Variants in ABI3BP observed in about 807,000 individuals in gnomAD.
The protein encoded by ABI3BP is target of Nesh-SH3.
ABI3BP carries 216 observed loss-of-function variants against 268.6 expected under a neutral mutation model. The ratio of observed to expected loss-of-function variants is 0.80; its 90% CI spans 0.72 to 0.90. The LOEUF is 0.90. Among genes scored for constraint, ABI3BP ranks in the 40% least tolerant of loss-of-function variants. The pLI, the probability that ABI3BP is intolerant of heterozygous loss-of-function variation, is 0.00. For missense variants in ABI3BP, 2,090 were observed against 2,182.4 expected (o/e 0.96, Z 0.84); for synonymous variants, 730 against 730.0 (o/e 1.00, Z 0.00).
At chr3:100,798,441 T>C (rs1339711198) in intron 51 of ABI3BP, among the ~76,000 whole-genome samples, 2 of 152,108 alleles carry the variant, frequency 1.3e-5, no homozygotes, top group African/African-American at 2.4e-5. Flanking sequence ...GTATGTTAAA[T>C]TGAACAAGAG....
At chr3:100,913,800 C>A (rs1274942149) in intron 2 of ABI3BP, among the ~76,000 whole-genome samples, 1 of 152,148 alleles carries the variant, frequency 6.6e-6, no homozygotes, top group East Asian at 1.9e-4. Context: ...AGTCCTCCAC[C>A]TTTTAGAGTA....
chr3:100,904,796 C>A (rs1465533965), intron 2 of ABI3BP, among the ~76,000 whole-genome samples: 3 of 152,150 alleles, frequency 2.0e-5, no homozygotes, highest in Non-Finnish European at 4.4e-5. Context: ...AATAGGAACA[C>A]TTTTACACTG....
chr3:100,913,348 A>G (rs559711805), intron 2 of ABI3BP, among the ~76,000 whole-genome samples: 21 of 152,334 alleles, frequency 1.4e-4, no homozygotes, highest in Admixed American at 6.5e-4. Flanking sequence ...TAACGACTAC[A>G]GAAAACCTGC....
At chr3:100,837,256 GAC>G (rs2098608059) in intron 26 of ABI3BP, 85 bp from the exon 27 acceptor site, 10 of 1,051,806 alleles carry the variant, frequency 9.5e-6, no homozygotes, top group East Asian at 2.7e-5. Flanking sequence ...TAATTCAGAG[GAC>G]ACAGAGTCTA....
chr3:100,943,635 C>T (rs187689161), intron 1 of ABI3BP, among the ~76,000 whole-genome samples: 11 of 152,092 alleles, frequency 7.2e-5, no homozygotes, highest in East Asian at 1.9e-4. Context: ...CTAGACTCTT[C>T]GATTAAATAA....
At chr3:100,859,247 G>T (rs2098970565) in intron 14 of ABI3BP, among the ~76,000 whole-genome samples, 1 of 152,168 alleles carries the variant, frequency 6.6e-6, no homozygotes, top group African/African-American at 2.4e-5. Context: ...TACCCCAACA[G>T]AGAAAACAGA....
At position 100,908,934 on chromosome 3, in the gene ABI3BP, G is replaced by A. The variant is rs537349920; in HGVS notation, c.260-6248C>T. On this transcript the variant is annotated intron_variant, in intron 2 of 67. Coordinates refer to ENST00000471714, the MANE Select transcript of ABI3BP (RefSeq NM_001375547.2). ...TTCAATTTCATATGGAATCAAAAAA[G>A]AGCCTGCATAGCCAAGACAATCCTA... 3.7e-4 allele frequency among the ~76,000 whole-genome samples: 56 copies of A among 152,260 alleles called. 1 individual carries two copies. In the South Asian group the frequency reaches 0.011, roughly 29 times the overall value.
At chr3:100,894,106 A>G (rs1331223401) in intron 4 of ABI3BP, among the ~76,000 whole-genome samples, 1 of 152,136 alleles carries the variant, frequency 6.6e-6, no homozygotes, top group Non-Finnish European at 1.5e-5. Context: ...CATTAGTGTG[A>G]AATGGACAAG....
At chr3:100,949,736 G>C (rs781740348) in intron 1 of ABI3BP, among the ~76,000 whole-genome samples, 1 of 152,164 alleles carries the variant, frequency 6.6e-6, no homozygotes, top group Non-Finnish European at 1.5e-5. Flanking sequence ...GCTAAAATTT[G>C]TGGCTATGGA....
At chr3:100,820,984 G>C in intron 39 of ABI3BP, 70 bp downstream of exon 39, 1 of 1,256,230 alleles carries the variant, frequency 8.0e-7, no homozygotes, top group Non-Finnish European at 1.1e-6. Flanking sequence ...AGAATCTGCG[G>C]CTATGATGAT....
At chr3:100,911,910 T>G (rs1231083607) in intron 2 of ABI3BP, 24 of 1,372,058 alleles carry the variant, frequency 1.7e-5, no homozygotes, top group African/African-American at 2.9e-5. Flanking sequence ...TATCACATTC[T>G]TTTTGACATT....
At position 100,750,114 on chromosome 3, in the gene ABI3BP, G is replaced by A. The variant is rs16842701; in HGVS notation, c.*381C>T. ...TGGAATTAACTCATCAATAGGAAGAGTACACATCAATAAAAGTAAATTTTT... is the reference window on the plus strand; with the variant it reads ...TGGAATTAACTCATCAATAGGAAGAATACACATCAATAAAAGTAAATTTTT... On this transcript the variant is annotated 3_prime_UTR_variant, in exon 68 of 68. Coordinates refer to ENST00000471714, the MANE Select transcript of ABI3BP (RefSeq NM_001375547.2). 1,845 of 226,912 alleles carry A rather than the reference G, an allele frequency of 8.1e-3. 30 individuals carry two copies. The highest frequency in any genetic ancestry group is 0.039 in the African/African-American group (1,752 of 44,786). The allele number at this position is 226,912 out of a possible 1,614,324, so 14.1% of individuals were successfully genotyped here. A position where few individuals can be genotyped will look rare whatever the true frequency, so the allele number is the denominator to read the frequency against.
chr3:100,898,378 T>A (rs2048653844), intron 4 of ABI3BP, among the ~76,000 whole-genome samples: 1 of 152,216 alleles, frequency 6.6e-6, no homozygotes, highest in Admixed American at 6.5e-5. Context: ...GAACCACACT[T>A]TGAGAAGTAT....
intron 63 of ABI3BP, among the ~76,000 whole-genome samples, chr3:100,761,017 T>C (rs1392163527): frequency 6.6e-6 from 1 of 152,176 alleles, no homozygotes; most frequent in African/African-American, 2.4e-5. Context: ...TTGATTTTTC[T>C]GCTCCTCTCC....
chr3:100,895,301 A>G (rs1398279379), intron 4 of ABI3BP, among the ~76,000 whole-genome samples: 3 of 152,154 alleles, frequency 2.0e-5, no homozygotes, highest in Non-Finnish European at 2.9e-5. Context: ...TTAGAAAGGA[A>G]TCTTAAAGCA....
At chr3:100,984,722 A>G (rs987010882) in intron 1 of ABI3BP, among the ~76,000 whole-genome samples, 6 of 152,194 alleles carry the variant, frequency 3.9e-5, no homozygotes, top group Non-Finnish European at 7.3e-5. Flanking sequence ...ACGGAGTAGA[A>G]TAAGTACTGA....
intron 1 of ABI3BP, among the ~76,000 whole-genome samples, chr3:100,991,083 A>C (rs2092836688): frequency 6.6e-6 from 1 of 152,222 alleles, no homozygotes; most frequent in African/African-American, 2.4e-5. Context: ...GCATCCTCAC[A>C]TAGCAAAATT....
chr3:100,929,950 A>T (rs2063088271), intron 1 of ABI3BP, among the ~76,000 whole-genome samples: 1 of 152,010 alleles, frequency 6.6e-6, no homozygotes, highest in Non-Finnish European at 1.5e-5. Context: ...ATTAAATGAC[A>T]TTTTACACTC....
chr3:100,760,470 A>G (rs998869457), intron 63 of ABI3BP, among the ~76,000 whole-genome samples: 2 of 152,200 alleles, frequency 1.3e-5, no homozygotes, highest in Admixed American at 1.3e-4. Flanking sequence ...TCATCTGAAA[A>G]CAAATTGCAG....
Sources: gnomAD v4.1 joint callset for allele counts (sites outside exome capture counted in the v4.1 genomes callset) on GRCh38, gnomAD v4.1.1 for gene constraint, MANE v1.5 for transcripts, NCBI Gene and HGNC (gene_info 2026-07-23, HGNC 2026-07-21) for gene names.